Variants in NCAPH2 observed in about 807,000 individuals in gnomAD.
NCAPH2 encodes non-SMC condensin II complex subunit H2, also known as condensin-2 complex subunit H2.
A neutral mutation model predicts 88.6 loss-of-function variants in NCAPH2; 56 were observed. The observed-to-expected ratio is 0.63, with a 90% CI of 0.51 to 0.79. The LOEUF (loss-of-function observed/expected upper bound fraction) is 0.79. NCAPH2 is among the 30% of genes least tolerant of loss of function. The pLI is 0.00. For synonymous variants in NCAPH2, 378 were observed against 313.6 expected, an observed-to-expected ratio of 1.21 and a Z score of -2.17; for missense variants, 794 against 792.0, an observed-to-expected ratio of 1.00 and a Z score of -0.03.
chr22:50,517,087 G>GGT (rs1237171803), intron 2 of NCAPH2, among the ~76,000 whole-genome samples: 1 of 152,156 alleles, frequency 6.6e-6, no homozygotes, highest in African/African-American at 2.4e-5. Context: ...CGGCAGAGTG[G>GGT]GTGCCAAGCA....
At chr22:50,518,575 G>C in intron 7 of NCAPH2, 74 bp from the exon 8 acceptor site, 1 of 1,443,602 alleles carries the variant, frequency 6.9e-7, no homozygotes, top group Non-Finnish European at 9.5e-7. Context: ...CCTTGGAGAG[G>C]CTTGTTGAAC....
chr22:50,523,262 C>T lies in NCAPH2; in HGVS notation c.1705C>T (p.Gln569Ter). 1 of 1,611,882 alleles carries T rather than the reference C, an allele frequency of 6.2e-7. No individual in the cohort carries two copies. ...CAATGACTACACAGTGGAGATAACC[C>T]AGCAGCCCGGGCTGGAGATGGCCGT... ...LANDYTVEIT[Q>*]QPGLEMAVDT... is the part of the protein sequence containing the mutation. The change falls in exon 20 of 20, where the codon CAG (glutamine) becomes TAG (stop). Residue 569 changes from glutamine (Q) to a stop codon, truncating the protein, a stop_gained. Transcript: ENST00000420993. LOFTEE classifies it high-confidence loss of function.
chr22:50,517,721 C>T lies in NCAPH2; in HGVS notation c.352-20C>T, dbSNP rs373827183. ...TGTGTTTGCCTGGGCTCCGCCCCCA[C>T]GAGCTCTGTCTCCCTCCAGTTCCTG... On this transcript the variant is annotated intron_variant, in intron 4 of 19. Transcript: ENST00000420993. The T allele has an allele frequency of 5.9e-5, 95 of 1,613,968 alleles. No individual in the cohort carries two copies. The highest frequency in any genetic ancestry group is 4.1e-4 in the African/African-American group (31 of 74,952).
chr22:50,514,709 C>T (rs751959929), intron 1 of NCAPH2, among the ~76,000 whole-genome samples: 1 of 152,194 alleles, frequency 6.6e-6, no homozygotes, highest in African/African-American at 2.4e-5. Flanking sequence ...TGAACACCCC[C>T]GAGGTCCTTA....
chr22:50,522,684 G>A lies in NCAPH2; in HGVS notation c.1389G>A (p.Met463Ile). The A allele has an allele frequency of 6.2e-7, 1 of 1,613,712 alleles. No individual in the cohort carries two copies. The highest frequency in any genetic ancestry group is 8.5e-7 in the Non-Finnish European group (1 of 1,180,008). Residue 463 changes from methionine to isoleucine, a missense_variant, in exon 17 of 20, where the codon ATG (methionine) becomes ATA (isoleucine). Physicochemically the swap from Met to Ile is conservative, Grantham distance 10. Transcript: ENST00000420993. ...ACCCCTTCCCAGACGCAGTGCCGAT[G>A]TCCCTGAGCTACGAGGAGCTGGTTC... The part of the protein sequence containing the change: ...REAADLDAVP[M>I]SLSYEELVRR...
At chr22:50,521,366 G>GT (rs2069088475) in intron 10 of NCAPH2, among the ~76,000 whole-genome samples, 177 bp from the exon 11 acceptor site, 3 of 141,690 alleles carry the variant, frequency 2.1e-5, no homozygotes, top group Non-Finnish European at 4.4e-5. Flanking sequence ...GGGTGGCTGT[G>GT]AACCCCCTAC....
At chr22:50,518,879 C>CGGG in intron 8 of NCAPH2, 147 bp downstream of exon 8, 1 of 868,168 alleles carries the variant, frequency 1.2e-6, no homozygotes, top group Non-Finnish European at 1.7e-6. Context: ...GGCCTCGCCC[C>CGGG]GGGGAAGCAG....
chr22:50,516,164 C>T (rs1384194226), intron 1 of NCAPH2, among the ~76,000 whole-genome samples: 1 of 152,156 alleles, frequency 6.6e-6, no homozygotes, highest in Non-Finnish European at 1.5e-5. Flanking sequence ...CAGCCTCTGG[C>T]GCCTTGTGGA....
chr22:50,524,738 T>C lies in NCAPH2; in HGVS notation c.*1363T>C. On this transcript the variant is annotated 3_prime_UTR_variant, in exon 20 of 20. Transcript: ENST00000420993. ...TTCCAAGTGCATGCCTTGCCTGAAC[T>C]AACCACGTTATCTATTTGCAATAAA... The C allele has an allele frequency of 3.6e-6, 2 of 555,736 alleles. No homozygotes were observed. The highest frequency in any genetic ancestry group is 5.5e-4 in the Middle Eastern group (2 of 3,612). The allele number at this position is 555,736 out of a possible 1,614,324, so 34.4% of individuals were successfully genotyped here.
rs2068999231 is a variant in NCAPH2 at position 50,518,724 on chromosome 22, A to T, written c.722A>T (p.Gln241Leu). The change falls in exon 8 of 20, where the codon CAG becomes CTG. Residue 241 changes from glutamine to leucine, a missense_variant. This residue lies in a region of NCAPH2 where 735 missense variants were observed against 696.3 expected (regional missense o/e 1.06). Transcript: ENST00000420993. ...CCTGTCCCAGCACTCGGCTTCTCCC[A>T]GGAGCCAGGTGAGAAGAGAGCTCCC... is the stretch of plus-strand genomic sequence containing the variant. ...RSPVPALGFS[Q>L]EPGPSPEGPM... 1 of 1,604,864 alleles carries T rather than the reference A, an allele frequency of 6.2e-7. No individual in the cohort carries two copies. The highest frequency in any genetic ancestry group is 1.3e-5 in the African/African-American group (1 of 74,924).
At chr22:50,514,315 T>G (rs1603440720) in intron 1 of NCAPH2, among the ~76,000 whole-genome samples, 6 of 144,474 alleles carry the variant, frequency 4.2e-5, no homozygotes, top group South Asian at 2.2e-4. Context: ...GGGAGGGGAG[T>G]GAAGGGCAGG....
chr22:50,513,034 C>T lies in NCAPH2; in HGVS notation c.109-3413C>T, dbSNP rs147395522. 6.4e-4 allele frequency among the ~76,000 whole-genome samples: 98 copies of T among 152,306 alleles called. 1 individual carries two copies. The highest frequency in any genetic ancestry group is 4.2e-3 in the East Asian group (22 of 5,192). Reference sequence around the variant, plus strand: ...GGGAAGACGGGTCCAAGAGAGTAACCGCATGGGGGTGTAATAAATATGCAT... The same window carrying T: ...GGGAAGACGGGTCCAAGAGAGTAACTGCATGGGGGTGTAATAAATATGCAT... On this transcript the variant is annotated intron_variant, in intron 1 of 19. Transcript: ENST00000420993.
At chr22:50,521,186 G>T in intron 10 of NCAPH2, 150 bp downstream of exon 10, 1 of 839,080 alleles carries the variant, frequency 1.2e-6, no homozygotes, top group East Asian at 2.7e-5. Context: ...CCCCTCATGC[G>T]ACTCTGGGCT....
Position 50,524,510 on chromosome 22 carries a change from C to T in NCAPH2, c.*1135C>T. On this transcript the variant is annotated 3_prime_UTR_variant, in exon 20 of 20. Transcript: ENST00000420993. ...CCCCTGCGACTTGAGACCAGCCACC[C>T]ATCTGAAGGACCCAGCCCACGTTCA... is the stretch of plus-strand genomic sequence containing the variant. The T allele has an allele frequency of 8.0e-7, 1 of 1,252,144 alleles. No homozygotes were observed. Among genetic ancestry groups the T allele is most frequent in the South Asian group, 1.3e-5 (1 of 79,146 alleles). 77.6% of individuals were successfully genotyped at this position (1,252,144 alleles called of 1,614,324 possible).
intron 1 of NCAPH2, among the ~76,000 whole-genome samples, chr22:50,512,120 G>C (rs1260778736): frequency 1.3e-5 from 2 of 152,194 alleles, no homozygotes; most frequent in African/African-American, 4.8e-5. Flanking sequence ...CCTGTTTGTG[G>C]CCTGTCTCCA....
intron 10 of NCAPH2, 56 bp downstream of exon 10, chr22:50,521,092 T>C: frequency 6.5e-7 from 1 of 1,529,716 alleles, no homozygotes; most frequent in Non-Finnish European, 8.8e-7. Flanking sequence ...ATTCGAGGAC[T>C]GGCTGCCTGC....
rs2069107083 is a variant in NCAPH2 at position 50,521,761 on chromosome 22, CCCT to C, written c.1022_1024del (p.Pro341_Cys342delinsArg). 2 of 1,613,976 alleles carry C rather than the reference CCCT, an allele frequency of 1.2e-6. No individual in the cohort carries two copies. The highest frequency in any genetic ancestry group is 1.7e-6 in the Non-Finnish European group (2 of 1,180,028). On this transcript the variant is annotated inframe_deletion, in exon 12 of 20. Coordinates refer to ENST00000420993, the MANE Select transcript of NCAPH2 (RefSeq NM_152299.4). ...CCCAGGTAGGCCTTACTCTGTGCCCCCCTGTGTGGAGGAGGCTCTGGGACAGAA... is the reference window on the plus strand; with the variant it reads ...CCCAGGTAGGCCTTACTCTGTGCCCCGTGTGGAGGAGGCTCTGGGACAGAA...
chr22:50,509,101 A>G (rs1569519611), intron 1 of NCAPH2, among the ~76,000 whole-genome samples: 1 of 151,990 alleles, frequency 6.6e-6, no homozygotes, highest in Non-Finnish European at 1.5e-5. Context: ...ACATGGTGGT[A>G]GGATTTTTTT....
chr22:50,513,886 T>C (rs1233233779), intron 1 of NCAPH2, among the ~76,000 whole-genome samples: 6 of 151,946 alleles, frequency 3.9e-5, no homozygotes. Context: ...ATGAAAGCAG[T>C]TACTTATTTA....
Sources: allele counts gnomAD v4.1 joint callset (sites outside exome capture counted in the v4.1 genomes callset), GRCh38; gene constraint gnomAD v4.1.1; regional missense constraint gnomAD v4.1.1; transcripts MANE v1.5; gene names NCBI Gene and HGNC (gene_info 2026-07-23, HGNC 2026-07-21).